EMC3: variants seen among roughly 807,000 people sequenced by gnomAD.
EMC3 encodes 30 kDa protein.
In EMC3, 13 loss-of-function variants were observed where a neutral mutation model predicts 36.6. The ratio of observed to expected loss-of-function variants is 0.35; its 90% CI spans 0.23 to 0.56. The LOEUF is 0.56. Ranked by LOEUF, EMC3 falls within the 20% of genes least tolerant of loss-of-function variation. The probability of loss-of-function intolerance (pLI) is 0.84; values close to 1 mark genes in which losing one functional copy is unlikely to be tolerated. For missense variants in EMC3, 220 were observed against 324.5 expected, an observed-to-expected ratio of 0.68 and a Z score of 2.47; for synonymous variants, 120 against 111.9, an observed-to-expected ratio of 1.07 and a Z score of -0.46.
At chr3:10,010,694 C>T (rs1047636628) in intron 1 of EMC3, among the ~76,000 whole-genome samples, 5 of 152,210 alleles carry the variant, frequency 3.3e-5, no homozygotes, top group Non-Finnish European at 5.9e-5. Flanking sequence ...AACAGGAAGG[C>T]CCCTGAGGTG....
chr3:9,982,606 G>A (rs536329716), intron 1 of EMC3, among the ~76,000 whole-genome samples: 1 of 152,160 alleles, frequency 6.6e-6, no homozygotes, highest in East Asian at 1.9e-4. Flanking sequence ...CGCTGGGTAT[G>A]CCTATACCCA....
chr3:9,984,431 C>T (rs1351051413), intron 1 of EMC3, among the ~76,000 whole-genome samples: 1 of 150,398 alleles, frequency 6.6e-6, no homozygotes, highest in East Asian at 2.0e-4. Context: ...GCTCTGTCAC[C>T]CAGGTTGAAG....
At chr3:9,967,201 G>A (rs566050613) in intron 7 of EMC3, among the ~76,000 whole-genome samples, 2 of 152,080 alleles carry the variant, frequency 1.3e-5, no homozygotes, top group Non-Finnish European at 2.9e-5. Flanking sequence ...TCAAGACAGG[G>A]TCTCGCTCTG....
At chr3:10,010,812 C>T (rs891882919) in intron 1 of EMC3, 3 of 152,460 alleles carry the variant, frequency 2.0e-5, no homozygotes, top group African/African-American at 7.2e-5. Flanking sequence ...CAGGGCTGGT[C>T]ACTGCGCCTT....
At chr3:10,002,444 G>C (rs2086215434) in intron 1 of EMC3, among the ~76,000 whole-genome samples, 1 of 151,952 alleles carries the variant, frequency 6.6e-6, no homozygotes, top group East Asian at 1.9e-4. Flanking sequence ...ATGCACTGCA[G>C]CTGGCTAATT....
chr3:9,993,956 T>C (rs534729666), intron 1 of EMC3, among the ~76,000 whole-genome samples: 1 of 152,304 alleles, frequency 6.6e-6, no homozygotes, highest in African/African-American at 2.4e-5. Context: ...ATAACTTAAC[T>C]TCTTTGAGCT....
chr3:9,973,517 G>T, intron 5 of EMC3, 111 bp downstream of exon 5: 1 of 966,014 alleles, frequency 1.0e-6, no homozygotes, highest in Non-Finnish European at 1.6e-6. Flanking sequence ...TTGAGACAGG[G>T]TCTTACTCTG....
intron 3 of EMC3, among the ~76,000 whole-genome samples, chr3:9,975,521 G>C (rs74638693): frequency 6.7e-6 from 1 of 149,294 alleles, no homozygotes; most frequent in South Asian, 2.1e-4. Context: ...AAAAAAAAAA[G>C]AGATATCTTG....
At chr3:9,991,938 GT>G (rs1559356330) in intron 1 of EMC3, among the ~76,000 whole-genome samples, 1 of 152,036 alleles carries the variant, frequency 6.6e-6, no homozygotes, top group Non-Finnish European at 1.5e-5. Flanking sequence ...TCACAATGGG[GT>G]TTGCGCTCCC....
chr3:9,964,650 C>T (rs2085719608), intron 7 of EMC3, among the ~76,000 whole-genome samples: 1 of 152,222 alleles, frequency 6.6e-6, no homozygotes. Flanking sequence ...GTCCACAATG[C>T]TTTGACATAA....
chr3:9,992,838 A>G lies in EMC3; in HGVS notation c.-241-5936T>C, dbSNP rs2086071168. On this transcript the variant is annotated intron_variant, in intron 1 of 8. Transcript: ENST00000470827. ...CTGTTTCATTGTAGCAAATGTACTG[A>G]TTGGTTAACTGTTTTTCTATTATTG... 4 of 1,259,116 alleles carry G rather than the reference A, an allele frequency of 3.2e-6. No homozygotes were observed. The South Asian group carries it at 4.9e-5, about 15-fold the overall frequency. The allele number at this position is 1,259,116 out of a possible 1,614,324, so 78.0% of individuals were successfully genotyped here.
At chr3:9,990,076 A>G (rs1288088756), upstream of EMC3, among the ~76,000 whole-genome samples, 1 of 149,632 alleles carries the variant, frequency 6.7e-6, no homozygotes, top group Non-Finnish European at 1.5e-5. Flanking sequence ...GCTGGAGTGC[A>G]GGCAGTGGCG....
At chr3:9,987,530 G>T (rs2085992046), upstream of EMC3, among the ~76,000 whole-genome samples, 1 of 152,190 alleles carries the variant, frequency 6.6e-6, no homozygotes, top group Non-Finnish European at 1.5e-5. Flanking sequence ...TGGGCTTCTC[G>T]GGAAGCCAAA....
At chr3:9,988,728 C>T, upstream of EMC3, 1 of 1,525,404 alleles carries the variant, frequency 6.6e-7, no homozygotes. Flanking sequence ...GAAAACACTG[C>T]CTCAGTATCT....
intron 1 of EMC3, chr3:10,007,277 T>C: frequency 8.0e-7 from 1 of 1,247,552 alleles, no homozygotes; most frequent in Non-Finnish European, 1.0e-6. Context: ...TTCCCCACAC[T>C]CACACTACCT....
upstream of EMC3, among the ~76,000 whole-genome samples, chr3:9,991,306 G>T (rs2086048909): frequency 2.6e-5 from 4 of 152,022 alleles, no homozygotes; most frequent in South Asian, 8.3e-4. Context: ...GCTAATTGTG[G>T]AGAAAAATCC....
upstream of EMC3, among the ~76,000 whole-genome samples, chr3:9,989,674 C>T (rs1422174031): frequency 1.3e-5 from 2 of 152,180 alleles, no homozygotes; most frequent in African/African-American, 4.8e-5. Context: ...TATCAAAGTA[C>T]TCCAAACACA....
chr3:9,977,329 T>C, intron 2 of EMC3, 60 bp downstream of exon 2: 4 of 1,490,820 alleles, frequency 2.7e-6, no homozygotes, highest in Non-Finnish European at 3.7e-6. Context: ...TATAAAACAT[T>C]CAGATATCTA....
chr3:9,964,100 A>G lies in EMC3; in HGVS notation c.755T>C (p.Phe252Ser). 1 of 1,614,142 alleles carries G rather than the reference A, an allele frequency of 6.2e-7. No homozygotes were observed. Among genetic ancestry groups the G allele is most frequent in the Non-Finnish European group, 8.5e-7 (1 of 1,180,022 alleles). ...MAKDLHFEGM[F>S]KKELQTSIF is the part of the protein sequence containing the mutation. ...AATAGAGGTCTGTAATTCCTTTTTG[A>G]ACATGCCTTCGAAGTGGAGGTCTTT... The change falls in exon 8 of 8, where the codon TTC becomes TCC. Residue 252 changes from phenylalanine (F) to serine (S), a missense_variant. Physicochemically the swap from Phe to Ser is radical, Grantham distance 155. Around this residue, in one of 3 missense-constraint regions of EMC3, gnomAD observed 37 missense variants for 32.9 expected, o/e 1.13. Coordinates refer to ENST00000245046, the MANE Select transcript of EMC3 (RefSeq NM_001394674.1).
Sources: gnomAD v4.1 joint callset for allele counts (sites outside exome capture counted in the v4.1 genomes callset) on GRCh38, gnomAD v4.1.1 for gene constraint, gnomAD v4.1.1 regional missense constraint, MANE v1.5 for transcripts, NCBI Gene and HGNC (gene_info 2026-07-23, HGNC 2026-07-21) for gene names.